The following VPS13C variants were observed in gnomAD, a reference collection of about 807,000 sequenced individuals.
The protein encoded by VPS13C is vacuolar protein sorting 13 homolog C.
VPS13C carries 358 observed loss-of-function variants against 456.8 expected under a neutral mutation model. The ratio of observed to expected loss-of-function variants is 0.78; its 90% confidence interval spans 0.72 to 0.86. The LOEUF (loss-of-function observed/expected upper bound fraction) is 0.86, where lower values mean the gene tolerates loss of function less well. Ranked by LOEUF, VPS13C falls within the 40% of genes least tolerant of loss-of-function variation. The pLI, the probability that VPS13C is intolerant of heterozygous loss-of-function variation, is 0.00. For synonymous variants in VPS13C, 1,578 were observed against 1,486.7 expected, an observed-to-expected ratio of 1.06 and a Z score of -1.41; for missense variants, 4,818 against 4,385.4, an observed-to-expected ratio of 1.10 and a Z score of -2.79.
chr15:61,944,488 C>A (rs2044539081), intron 45 of VPS13C, among the ~76,000 whole-genome samples: 1 of 152,142 alleles, frequency 6.6e-6, no homozygotes, highest in Non-Finnish European at 1.5e-5. Flanking sequence ...TTTGCAGCAA[C>A]ATGAATGCAG....
chr15:61,853,728 C>T lies in VPS13C; in HGVS notation c.*729G>A, dbSNP rs1893760550. Reference sequence around the variant, plus strand: ...TCTTAAACAAAATGTCAGGATCCAACATTTGTTCATGGGTTAAAGCCTTTT... The same window carrying T: ...TCTTAAACAAAATGTCAGGATCCAATATTTGTTCATGGGTTAAAGCCTTTT... On this transcript the variant is annotated 3_prime_UTR_variant, in exon 85 of 85. Coordinates refer to ENST00000644861, the MANE Select transcript of VPS13C (RefSeq NM_020821.3). 6.6e-6 allele frequency: 1 copy of T among 152,160 alleles called. No homozygotes were observed. The highest frequency in any genetic ancestry group is 6.5e-5 in the Admixed American group (1 of 15,274). The allele number at this position is 152,160 out of a possible 1,614,324, so 9.4% of individuals were successfully genotyped here.
intron 16 of VPS13C, among the ~76,000 whole-genome samples, chr15:61,999,063 AGTT>A (rs1331235631): frequency 2.6e-5 from 4 of 152,188 alleles, no homozygotes; most frequent in Admixed American, 2.0e-4. Context: ...GGCTATCAGT[AGTT>A]AAGTTTTTGA....
rs1412612452 is a variant in VPS13C at position 62,051,558 on chromosome 15, T to C, written c.101-7303A>G. On this transcript the variant is annotated intron_variant, in intron 1 of 84. Transcript: ENST00000644861. The stretch of plus-strand genomic sequence containing the variant: ...CCCGAATAGCAGAGCATAAAGCGTA[T>C]AGGATTTTAATTCAGAAGGTAATTC... Among the ~76,000 whole-genome samples, 5 of 152,298 alleles carry C rather than the reference T, an allele frequency of 3.3e-5. No homozygotes were observed. The South Asian group carries it at 8.3e-4, about 25-fold the overall frequency.
intron 3 of VPS13C, among the ~76,000 whole-genome samples, chr15:62,037,235 T>C (rs71409107): frequency 0.013 from 711 of 54,936 alleles, 39 homozygotes; most frequent in Middle Eastern, 0.023. Context: ...ATATTATATA[T>C]AAATATATAT....
At chr15:61,865,736 A>G in intron 81 of VPS13C, 1 of 540,830 alleles carries the variant, frequency 1.8e-6, no homozygotes, top group South Asian at 8.1e-5. Context: ...GTTTGTGTGT[A>G]TGTATATCTG....
At chr15:61,872,635 G>A (rs1338999905) in intron 78 of VPS13C, among the ~76,000 whole-genome samples, 3 of 152,042 alleles carry the variant, frequency 2.0e-5, no homozygotes, top group Non-Finnish European at 2.9e-5. Context: ...AGTAATGGTA[G>A]TAAAATACCT....
intron 81 of VPS13C, chr15:61,865,898 T>A: frequency 1.0e-6 from 1 of 970,524 alleles, no homozygotes; most frequent in Non-Finnish European, 1.2e-6. Flanking sequence ...TATTAAAGAA[T>A]ACAAAGTAGT....
Position 61,907,238 on chromosome 15 carries a change from T to C in VPS13C, c.9105+26A>G, listed in dbSNP as rs903495189. The stretch of plus-strand genomic sequence containing the variant: ...TTCCTTCACTGTCAGGTAACTCATA[T>C]AGCACTCATTCACATCAAAAGATAC... On this transcript the variant is annotated intron_variant, in intron 66 of 84. Transcript: ENST00000644861. 5 of 1,612,934 alleles carry C rather than the reference T, an allele frequency of 3.1e-6. No individual in the cohort carries two copies. In the African/African-American group the frequency reaches 4.0e-5, roughly 13 times the overall value.
chr15:61,996,674 A>C (rs1004591133), intron 16 of VPS13C, among the ~76,000 whole-genome samples: 2 of 152,010 alleles, frequency 1.3e-5, no homozygotes, highest in African/African-American at 2.4e-5. Context: ...ATAAAAAAAA[A>C]CTCAATAGTA....
chr15:61,985,036 T>C (rs780181250), intron 18 of VPS13C, 37 bp from the exon 19 acceptor site: 3 of 1,315,612 alleles, frequency 2.3e-6, no homozygotes, highest in Admixed American at 2.7e-5. Flanking sequence ...TGTTAAAGTT[T>C]AAATAATTAT....
intron 35 of VPS13C, among the ~76,000 whole-genome samples, chr15:61,959,926 G>C (rs1467181408): frequency 6.6e-6 from 1 of 152,144 alleles, no homozygotes. Flanking sequence ...AGGTATGTTG[G>C]TGCAGAGACT....
At chr15:61,855,630 C>T (rs1459417738) in intron 83 of VPS13C, among the ~76,000 whole-genome samples, 4 of 152,094 alleles carry the variant, frequency 2.6e-5, no homozygotes, top group African/African-American at 9.6e-5. Context: ...CAGTAAAAAA[C>T]GTTTAGTTTT....
intron 18 of VPS13C, among the ~76,000 whole-genome samples, chr15:61,986,110 TACAC>T (rs147487159): frequency 6.8e-6 from 1 of 147,530 alleles, no homozygotes; most frequent in African/African-American, 2.5e-5. Flanking sequence ...CACATACACA[TACAC>T]ACACACACAC....
At chr15:61,969,572 CT>C in intron 27 of VPS13C, 120 bp from the exon 28 acceptor site, 1 of 500,706 alleles carries the variant, frequency 2.0e-6, no homozygotes, top group Non-Finnish European at 3.2e-6. Context: ...TCATATCCTT[CT>C]GCCACCATAG....
In VPS13C at chr15:61,946,400, G is replaced by C. The variant is rs763603840; in HGVS notation, c.4887C>G (p.Ala1629=). ...TCTGCTTAGGCTTCACAGAAATAGAGGCATCCATTCCTATAGGAAACATAA... is the reference window on the plus strand; with the variant it reads ...TCTGCTTAGGCTTCACAGAAATAGACGCATCCATTCCTATAGGAAACATAA... The part of the protein sequence containing the change: ...IADIKIHGMD[A]SISVKPKQTD... The change falls in exon 44 of 85, where the codon GCC becomes GCG. Residue 1629 remains alanine, a synonymous_variant. Coordinates refer to ENST00000644861, the MANE Select transcript of VPS13C (RefSeq NM_020821.3). 7 of 1,600,992 alleles carry C rather than the reference G, an allele frequency of 4.4e-6. No individual in the cohort carries two copies. The highest frequency in any genetic ancestry group is 6.0e-6 in the Non-Finnish European group (7 of 1,174,568).
chr15:62,037,434 AAT>A (rs1221229040), intron 3 of VPS13C, among the ~76,000 whole-genome samples: 2 of 62,640 alleles, frequency 3.2e-5, no homozygotes, highest in East Asian at 7.3e-4. Context: ...ATATAAATAT[AAT>A]ATATATTAAA....
At chr15:61,970,075 C>G (rs2045501060) in intron 27 of VPS13C, among the ~76,000 whole-genome samples, 1 of 152,146 alleles carries the variant, frequency 6.6e-6, no homozygotes. Flanking sequence ...TGGGAACACT[C>G]ATACTGGGGG....
intron 5 of VPS13C, among the ~76,000 whole-genome samples, chr15:62,031,979 A>C (rs537861557): frequency 1.1e-3 from 164 of 152,008 alleles, no homozygotes; most frequent in African/African-American, 3.9e-3. Flanking sequence ...TTTTAGGCAA[A>C]TATAATTATG....
intron 17 of VPS13C, 115 bp downstream of exon 17, chr15:61,991,558 C>T (rs1488219612): frequency 8.4e-7 from 1 of 1,191,664 alleles, no homozygotes; most frequent in Non-Finnish European, 1.1e-6. Context: ...ATTTACTATA[C>T]TGAGGTAATT....
Sources: gnomAD v4.1 joint callset for allele counts (sites outside exome capture counted in the v4.1 genomes callset) on GRCh38, gnomAD v4.1.1 for gene constraint, MANE v1.5 for transcripts, NCBI Gene and HGNC (gene_info 2026-07-23, HGNC 2026-07-21) for gene names.